CDH8: variants seen among roughly 807,000 people sequenced by gnomAD.
The protein encoded by CDH8 is cadherin-8.
CDH8 carries 17 observed loss-of-function variants against 68.1 expected under a neutral mutation model. The observed-to-expected ratio is 0.25, with a 90% CI of 0.17 to 0.37. CDH8 has a LOEUF of 0.37. CDH8 is among the 10% of genes least tolerant of loss of function. The pLI is 1.00. For missense variants in CDH8, 763 were observed against 999.3 expected (o/e 0.76, Z 3.19); for synonymous variants, 372 against 365.1 (o/e 1.02, Z -0.21).
At chr16:61,676,329 T>C (rs1963910215) in intron 10 of CDH8, among the ~76,000 whole-genome samples, 1 of 151,702 alleles carries the variant, frequency 6.6e-6, no homozygotes, top group Non-Finnish European at 1.5e-5. Flanking sequence ...TAATATCAAA[T>C]GAAATAAATC....
At position 61,845,466 on chromosome 16, in the gene CDH8, C is replaced by A. The variant is rs754504960; in HGVS notation, c.667+11653G>T. 5.8e-5 allele frequency among the ~76,000 whole-genome samples: 8 copies of A among 138,130 alleles called. No homozygotes were observed. The East Asian group carries it at 1.7e-3, about 29-fold the overall frequency. The allele number at this position is 138,130 out of a possible 152,430, so 90.6% of individuals were successfully genotyped here. A position where few individuals can be genotyped will look rare whatever the true frequency, so the allele number is the denominator to read the frequency against. On this transcript the variant is annotated intron_variant, in intron 4 of 11. Transcript: ENST00000577390. ...TCACATACAATAAAACTTTACCGCA[C>A]GTGAAAACTACCTTTAAAGAAACTC...
chr16:61,763,514 T>C (rs1960517177), intron 8 of CDH8, among the ~76,000 whole-genome samples: 1 of 152,092 alleles, frequency 6.6e-6, no homozygotes, highest in African/African-American at 2.4e-5. Context: ...CGTAAAATAA[T>C]ACTGTTGGGA....
chr16:61,708,558 AC>A (rs1377430663), intron 10 of CDH8, among the ~76,000 whole-genome samples: 1 of 152,070 alleles, frequency 6.6e-6, no homozygotes, highest in Non-Finnish European at 1.5e-5. Flanking sequence ...AGCAAAGAAA[AC>A]CTCCTTGTCT....
chr16:61,664,750 T>A (rs1299455067), intron 10 of CDH8, among the ~76,000 whole-genome samples: 2 of 151,914 alleles, frequency 1.3e-5, no homozygotes, highest in Non-Finnish European at 2.9e-5. Flanking sequence ...GAGAATACCA[T>A]CATGTTAAAG....
intron 2 of CDH8, among the ~76,000 whole-genome samples, chr16:61,979,255 A>G (rs2150581554): frequency 6.6e-6 from 1 of 152,332 alleles, no homozygotes; most frequent in South Asian, 2.1e-4. Flanking sequence ...CCCCTGGCGG[A>G]TAACATGACA....
chr16:61,993,734 TTGTCTA>T (rs1226717386), intron 2 of CDH8, among the ~76,000 whole-genome samples: 28 of 152,268 alleles, frequency 1.8e-4, no homozygotes, highest in Non-Finnish European at 3.1e-4. Flanking sequence ...GCTTGTTCAT[TTGTCTA>T]TACCCAAGGA....
At position 61,696,814 on chromosome 16, in the gene CDH8, T is replaced by C. The variant is rs545779546; in HGVS notation, c.1654+17027A>G. On this transcript the variant is annotated intron_variant, in intron 10 of 11. Transcript: ENST00000577390. The stretch of plus-strand genomic sequence containing the variant: ...GAAACGTGGATGCAGCTGGAGGCCA[T>C]TATCCTAAACAAATCAACACAGGGA... Among the ~76,000 whole-genome samples, 14 of 152,222 alleles carry C rather than the reference T, an allele frequency of 9.2e-5. No individual in the cohort carries two copies. In the East Asian group the frequency reaches 2.7e-3, roughly 29 times the overall value.
intron 2 of CDH8, among the ~76,000 whole-genome samples, chr16:61,993,427 C>A (rs1965760895): frequency 6.6e-6 from 1 of 152,014 alleles, no homozygotes; most frequent in Admixed American, 6.6e-5. Context: ...TCAAGTGATT[C>A]TCCTGCTTCA....
At chr16:61,946,348 A>G (rs1480760989) in intron 2 of CDH8, among the ~76,000 whole-genome samples, 1 of 152,196 alleles carries the variant, frequency 6.6e-6, no homozygotes, top group Non-Finnish European at 1.5e-5. Context: ...AGCAAAAACT[A>G]TGTCTTCAAG....
At chr16:61,971,460 T>G (rs1042590974) in intron 2 of CDH8, among the ~76,000 whole-genome samples, 8 of 152,182 alleles carry the variant, frequency 5.3e-5, no homozygotes, top group African/African-American at 1.9e-4. Flanking sequence ...GATACCAATG[T>G]ACATCAGATG....
intron 2 of CDH8, among the ~76,000 whole-genome samples, chr16:61,972,928 CT>C (rs1965369503): frequency 6.6e-6 from 1 of 152,118 alleles, no homozygotes; most frequent in Non-Finnish European, 1.5e-5. Context: ...TTTTTATAAG[CT>C]TTTACAAACA....
intron 7 of CDH8, among the ~76,000 whole-genome samples, chr16:61,815,165 T>C (rs1962043482): frequency 6.6e-6 from 1 of 152,200 alleles, no homozygotes; most frequent in Non-Finnish European, 1.5e-5. Context: ...CATCTCTTCC[T>C]GGTAAAAACA....
At chr16:61,668,468 T>A (rs919054339) in intron 10 of CDH8, among the ~76,000 whole-genome samples, 1 of 152,054 alleles carries the variant, frequency 6.6e-6, no homozygotes, top group Non-Finnish European at 1.5e-5. Context: ...AAGACTAATA[T>A]TACTTTCATT....
rs949442435 is a variant in CDH8, at chr16:62,013,796, G to T, written c.252+7356C>A. On this transcript the variant is annotated intron_variant, in intron 2 of 11. Transcript: ENST00000577390. ...TAATAGGAATCAATACTCTGAACTT[G>T]TTTTTTTATACTGACTATCTTGTTG... Among the ~76,000 whole-genome samples the T allele has an allele frequency of 9.9e-5, 15 of 152,094 alleles. No homozygotes were observed. In the East Asian group the frequency reaches 2.5e-3, roughly 26 times the overall value.
chr16:61,821,134 A>G (rs1427380115), intron 5 of CDH8, 21 bp from the exon 6 acceptor site: 10 of 1,579,596 alleles, frequency 6.3e-6, no homozygotes, highest in Non-Finnish European at 7.8e-6. Context: ...AGGAGAAACA[A>G]TGAGAGTCAC....
At chr16:61,882,028 C>A (rs1250189136) in intron 3 of CDH8, among the ~76,000 whole-genome samples, 1 of 152,146 alleles carries the variant, frequency 6.6e-6, no homozygotes, top group Non-Finnish European at 1.5e-5. Flanking sequence ...CAGGCAAAAT[C>A]TTAGAATTAA....
At chr16:61,905,459 GTTA>G (rs1428524657) in intron 2 of CDH8, among the ~76,000 whole-genome samples, 1 of 151,572 alleles carries the variant, frequency 6.6e-6, no homozygotes, top group South Asian at 2.1e-4. Context: ...TTTAATTATG[GTTA>G]TTATTAATGT....
chr16:61,803,349 C>A (rs1056832943), intron 7 of CDH8, among the ~76,000 whole-genome samples: 2 of 133,710 alleles, frequency 1.5e-5, no homozygotes, highest in African/African-American at 6.1e-5. Context: ...CCGGTACCAG[C>A]CGCTGCAAAA....
At chr16:61,954,048 G>T (rs189861110) in intron 2 of CDH8, among the ~76,000 whole-genome samples, 1 of 151,576 alleles carries the variant, frequency 6.6e-6, no homozygotes, top group Admixed American at 6.6e-5. Flanking sequence ...ATGTTGTATT[G>T]ACCAACTCCA....
Sources: gnomAD v4.1 joint callset for allele counts (sites outside exome capture counted in the v4.1 genomes callset) on GRCh38, gnomAD v4.1.1 for gene constraint, MANE v1.5 for transcripts, NCBI Gene and HGNC (gene_info 2026-07-23, HGNC 2026-07-21) for gene names.